Variants in CGRRF1 observed in about 807,000 individuals in gnomAD.
CGRRF1 encodes cell growth regulator with RING finger domain protein 1.
CGRRF1 carries 32 observed loss-of-function variants against 37.2 expected under a neutral mutation model. That is an observed-to-expected ratio of 0.86 (90% confidence interval 0.65 to 1.16). The LOEUF is 1.16. Ranked by LOEUF, CGRRF1 falls within the 50% of genes most tolerant of loss-of-function variation. The probability of loss-of-function intolerance (pLI) is 0.00; values close to 1 mark genes in which losing one functional copy is unlikely to be tolerated. For missense variants in CGRRF1, 391 were observed against 382.6 expected (o/e 1.02, Z -0.18); for synonymous variants, 141 against 140.3 (o/e 1.00, Z -0.04).
chr14:54,510,070 G>A lies in CGRRF1; in HGVS notation c.104+7G>A. 6.3e-7 allele frequency: 1 copy of A among 1,591,024 alleles called. No individual in the cohort carries two copies. The highest frequency in any genetic ancestry group is 2.2e-5 in the East Asian group (1 of 44,740). On this transcript the variant is annotated splice_region_variant and intron_variant, in intron 1 of 5. Transcript: ENST00000216420. ...CCGGCCTGGTATTGGGATGGTAAGT[G>A]TCCCAGGGGTGAGAGACGAAGGGGC...
chr14:54,513,529 G>A (rs2032162969), intron 1 of CGRRF1, among the ~76,000 whole-genome samples: 1 of 152,056 alleles, frequency 6.6e-6, no homozygotes, highest in African/African-American at 2.4e-5. Flanking sequence ...TTCATTTTGT[G>A]TAGCCACGGA....
chr14:54,516,747 C>T (rs1206693625), intron 1 of CGRRF1, among the ~76,000 whole-genome samples: 3 of 152,110 alleles, frequency 2.0e-5, no homozygotes, highest in Non-Finnish European at 4.4e-5. Flanking sequence ...TGTTCAAATA[C>T]TTTATCTGTC....
intron 4 of CGRRF1, 187 bp downstream of exon 4, chr14:54,531,237 T>A (rs1454221148): frequency 5.6e-6 from 3 of 539,570 alleles, no homozygotes; most frequent in Non-Finnish European, 9.8e-6. Context: ...TTTCTTGCCT[T>A]ATGGGTCACA....
At chr14:54,525,880 G>A (rs1290655246) in intron 2 of CGRRF1, among the ~76,000 whole-genome samples, 1 of 152,058 alleles carries the variant, frequency 6.6e-6, no homozygotes, top group Non-Finnish European at 1.5e-5. Flanking sequence ...GCGGATCCTT[G>A]AGTCCAGGAG....
Position 54,538,054 on chromosome 14 carries a change from G to GATTTTC in CGRRF1, c.679-7_679-2dup. On this transcript the variant is annotated splice_polypyrimidine_tract_variant and intron_variant, in intron 5 of 5. Coordinates refer to ENST00000216420, the MANE Select transcript of CGRRF1 (RefSeq NM_006568.3). ...TAATAATCTTTAAATTTATTTCTTT[G>GATTTTC]ATTTTCAGCAACTTTTCATGTCTGC... 1 of 1,572,738 alleles carries GATTTTC rather than the reference G, an allele frequency of 6.4e-7. No individual in the cohort carries two copies. The highest frequency in any genetic ancestry group is 1.2e-5 in the South Asian group (1 of 83,620).
chr14:54,535,691 T>A (rs1164655036), intron 4 of CGRRF1, among the ~76,000 whole-genome samples: 1 of 152,196 alleles, frequency 6.6e-6, no homozygotes, highest in African/African-American at 2.4e-5. Context: ...TGTCCTAGAT[T>A]TAACATCCAT....
At chr14:54,513,363 T>G (rs948867257) in intron 1 of CGRRF1, among the ~76,000 whole-genome samples, 20 of 152,332 alleles carry the variant, frequency 1.3e-4, no homozygotes, top group African/African-American at 4.1e-4. Context: ...ATGGCAGTAA[T>G]GATGACTACA....
At chr14:54,534,672 T>G (rs2032572377) in intron 4 of CGRRF1, among the ~76,000 whole-genome samples, 1 of 152,204 alleles carries the variant, frequency 6.6e-6, no homozygotes, top group Non-Finnish European at 1.5e-5. Context: ...TTGTTAGCAT[T>G]TCTGTCCTTT....
chr14:54,537,546 T>C (rs1046775647), intron 4 of CGRRF1, 176 bp from the exon 5 acceptor site: 6 of 566,778 alleles, frequency 1.1e-5, no homozygotes, highest in African/African-American at 9.8e-5. Flanking sequence ...GCAGTGATTA[T>C]GATTTAATCA....
intron 1 of CGRRF1, among the ~76,000 whole-genome samples, chr14:54,519,623 T>C (rs919249814): frequency 2.0e-5 from 3 of 152,176 alleles, no homozygotes; most frequent in Non-Finnish European, 4.4e-5. Flanking sequence ...TTCCAAGTTA[T>C]AAACCTGGCT....
chr14:54,527,622 C>T (rs1029441878), intron 2 of CGRRF1, among the ~76,000 whole-genome samples: 11 of 151,962 alleles, frequency 7.2e-5, no homozygotes, highest in East Asian at 1.9e-4. Context: ...AGTCTATAAA[C>T]GAGTCTCTTA....
intron 2 of CGRRF1, among the ~76,000 whole-genome samples, chr14:54,526,735 C>G (rs920126069): frequency 2.6e-5 from 4 of 152,138 alleles, no homozygotes; most frequent in African/African-American, 9.7e-5. Context: ...CTGGTAAGAG[C>G]TAACATTAAA....
At chr14:54,536,825 T>C in intron 4 of CGRRF1, 2 of 152,334 alleles carry the variant, frequency 1.3e-5, no homozygotes. Context: ...TATGGTGCTT[T>C]TTATCATGTA....
intron 1 of CGRRF1, among the ~76,000 whole-genome samples, chr14:54,521,781 A>T (rs2032321311): frequency 6.6e-6 from 1 of 152,194 alleles, no homozygotes; most frequent in African/African-American, 2.4e-5. Flanking sequence ...TGCTGGGATT[A>T]CAGGCATGAG....
intron 1 of CGRRF1, among the ~76,000 whole-genome samples, chr14:54,521,155 G>A (rs912847337): frequency 2.0e-5 from 3 of 152,068 alleles, no homozygotes; most frequent in Non-Finnish European, 4.4e-5. Context: ...GCTATAGTTG[G>A]TGTTTTAAAA....
intron 4 of CGRRF1, among the ~76,000 whole-genome samples, chr14:54,532,897 G>T (rs1318123182): frequency 7.2e-5 from 11 of 151,920 alleles, no homozygotes. Flanking sequence ...TAGCTTCTTT[G>T]TTCTTGACCC....
At chr14:54,513,673 C>T (rs996325808) in intron 1 of CGRRF1, among the ~76,000 whole-genome samples, 1 of 151,622 alleles carries the variant, frequency 6.6e-6, no homozygotes, top group Non-Finnish European at 1.5e-5. Flanking sequence ...GTTGTCCGAG[C>T]TGGAGTGCAG....
chr14:54,510,008 T>C lies in CGRRF1; in HGVS notation c.49T>C (p.Tyr17His). 6.2e-7 allele frequency: 1 copy of C among 1,614,012 alleles called. No homozygotes were observed. The highest frequency in any genetic ancestry group is 1.7e-4 in the Middle Eastern group (1 of 6,058). Residue 17 changes from tyrosine to histidine, a missense_variant, in exon 1 of 6, where the codon TAC becomes CAC. Coordinates refer to ENST00000216420, the MANE Select transcript of CGRRF1 (RefSeq NM_006568.3). ...VTLYEYSPLFYIAVVFTCFIV... is the reference protein window; with the variant it reads ...VTLYEYSPLFHIAVVFTCFIV... ...GCTTTATGAATACTCGCCGCTTTTC[T>C]ACATCGCGGTGGTCTTTACCTGCTT...
intron 1 of CGRRF1, among the ~76,000 whole-genome samples, chr14:54,521,350 A>G (rs1360518556): frequency 6.6e-6 from 1 of 151,360 alleles, no homozygotes; most frequent in Non-Finnish European, 1.5e-5. Flanking sequence ...AATCTCAGCT[A>G]CTTGGGAGGC....
Sources: gnomAD v4.1 joint callset for allele counts (sites outside exome capture counted in the v4.1 genomes callset) on GRCh38, gnomAD v4.1.1 for gene constraint, MANE v1.5 for transcripts, NCBI Gene and HGNC (gene_info 2026-07-23, HGNC 2026-07-21) for gene names.